Variants in GLIS3 observed in about 807,000 individuals in gnomAD.
GLIS3 encodes the protein GLIS family zinc finger 3.
A neutral mutation model predicts 78.6 loss-of-function variants in GLIS3; 53 were observed. The ratio of observed to expected loss-of-function variants is 0.67; its 90% confidence interval spans 0.54 to 0.85. GLIS3 has a LOEUF of 0.85. GLIS3 is among the 40% of genes least tolerant of loss of function. GLIS3 has a pLI of 0.00. For missense variants in GLIS3, 1,703 were observed against 1,231.1 expected, an observed-to-expected ratio of 1.38 and a Z score of -5.74; for synonymous variants, 684 against 509.9, an observed-to-expected ratio of 1.34 and a Z score of -4.60.
At chr9:4,489,713 C>A in the GLIS3 span, among the ~76,000 whole-genome samples, 1 of 152,182 alleles carries the variant, frequency 6.6e-6, no homozygotes, top group African/African-American at 2.4e-5. Flanking sequence ...CTCCCGGGTC[C>A]GGTTCTCAGT....
chr9:4,025,608 C>T (rs911685232), intron 4 of GLIS3, among the ~76,000 whole-genome samples: 2 of 151,998 alleles, frequency 1.3e-5, no homozygotes, highest in South Asian at 2.1e-4. Context: ...GGAGGGTCTG[C>T]GTCTCCTGAC....
At chr9:3,944,748 G>A (rs544868443) in intron 4 of GLIS3, among the ~76,000 whole-genome samples, 1 of 152,318 alleles carries the variant, frequency 6.6e-6, no homozygotes, top group South Asian at 2.1e-4. Flanking sequence ...ACCTGTCTCA[G>A]TCCATTTTCT....
At chr9:4,424,555 C>T in the GLIS3 span, among the ~76,000 whole-genome samples, 1 of 151,968 alleles carries the variant, frequency 6.6e-6, no homozygotes, top group South Asian at 2.1e-4. Flanking sequence ...AGTGGATTTG[C>T]TTTTGTTTTT....
intron 1 of GLIS3, chr9:4,298,451 C>G: frequency 2.2e-6 from 1 of 451,378 alleles, no homozygotes; most frequent in South Asian, 1.6e-5. Context: ...GAGTGACTTC[C>G]CGGTCCCCGA....
the GLIS3 span, among the ~76,000 whole-genome samples, chr9:4,462,639 G>A: frequency 0.57 from 81,771 of 142,508 alleles, 22,385 homozygotes; most frequent in Middle Eastern, 0.73. Context: ...ACACAGACAC[G>A]CACACACACA....
intron 2 of GLIS3, among the ~76,000 whole-genome samples, chr9:4,184,671 T>C (rs1430906994): frequency 6.6e-6 from 1 of 152,238 alleles, no homozygotes; most frequent in Non-Finnish European, 1.5e-5. Flanking sequence ...GGGGAACCCC[T>C]GGTTGGAGGG....
At chr9:3,849,392 C>A (rs1378493434) in intron 9 of GLIS3, among the ~76,000 whole-genome samples, 1 of 152,170 alleles carries the variant, frequency 6.6e-6, no homozygotes, top group African/African-American at 2.4e-5. Context: ...CTTCCCTGAC[C>A]CCTTTGCCTT....
chr9:3,824,312 G>T lies in GLIS3; in HGVS notation c.*3960C>A, dbSNP rs1817611126. ...AATGCAGCATTTTAAAGCTGGACTT[G>T]AACATTCCCTCCCGCATCATCTGCC... On this transcript the variant is annotated 3_prime_UTR_variant, in exon 11 of 11. Coordinates refer to ENST00000381971, the MANE Select transcript of GLIS3 (RefSeq NM_001042413.2). The T allele has an allele frequency of 6.6e-6, 1 of 152,500 alleles. No individual in the cohort carries two copies. The highest frequency in any genetic ancestry group is 2.1e-4 in the South Asian group (1 of 4,820). The allele number at this position is 152,500 out of a possible 1,614,324, so 9.4% of individuals were successfully genotyped here. A position where few individuals can be genotyped will look rare whatever the true frequency, so the allele number is the denominator to read the frequency against.
At chr9:4,438,054 C>T in the GLIS3 span, among the ~76,000 whole-genome samples, 76 of 152,234 alleles carry the variant, frequency 5.0e-4, 1 homozygote, top group African/African-American at 1.6e-3. Flanking sequence ...CTCTAACTTC[C>T]TATGTTTTTC....
intron 2 of GLIS3, among the ~76,000 whole-genome samples, chr9:4,226,174 G>A (rs192764080): frequency 7.9e-5 from 12 of 152,168 alleles, no homozygotes; most frequent in Admixed American, 6.5e-4. Flanking sequence ...AACAGATAAC[G>A]TATTGGATAC....
At chr9:4,481,852 A>G in the GLIS3 span, among the ~76,000 whole-genome samples, 1 of 152,172 alleles carries the variant, frequency 6.6e-6, no homozygotes, top group Non-Finnish European at 1.5e-5. Context: ...AAGTCACAGC[A>G]TTGTCTGGGT....
At chr9:4,289,596 A>C (rs1441601919) in intron 1 of GLIS3, among the ~76,000 whole-genome samples, 1 of 152,040 alleles carries the variant, frequency 6.6e-6, no homozygotes, top group Non-Finnish European at 1.5e-5. Flanking sequence ...ATCCAATCAC[A>C]TTATTCTAGT....
At chr9:4,343,360 AAT>A (rs1817860955) in intron 2 of GLIS3, among the ~76,000 whole-genome samples, 2 of 152,162 alleles carry the variant, frequency 1.3e-5, no homozygotes, top group South Asian at 4.1e-4. Flanking sequence ...AAAACAAAAC[AAT>A]GAGATACTAT....
chr9:4,201,023 G>T (rs1215523400), intron 2 of GLIS3, among the ~76,000 whole-genome samples: 3 of 152,212 alleles, frequency 2.0e-5, no homozygotes, highest in African/African-American at 2.4e-5. Context: ...ATGCAAGATT[G>T]GTTCATCATA....
intron 2 of GLIS3, among the ~76,000 whole-genome samples, chr9:4,191,541 T>C (rs559228141): frequency 1.3e-5 from 2 of 152,340 alleles, no homozygotes; most frequent in Non-Finnish European, 2.9e-5. Context: ...AAGACCTAGA[T>C]CTCTGTGGTT....
intron 4 of GLIS3, among the ~76,000 whole-genome samples, chr9:4,052,310 G>C (rs1049512736): frequency 6.6e-6 from 1 of 151,998 alleles, no homozygotes; most frequent in Admixed American, 6.6e-5. Context: ...CATCACAATT[G>C]GTTTAATTTT....
At chr9:4,404,694 C>G in the GLIS3 span, among the ~76,000 whole-genome samples, 3 of 151,736 alleles carry the variant, frequency 2.0e-5, no homozygotes, top group Non-Finnish European at 4.4e-5. Flanking sequence ...CACAGTATAC[C>G]AAAACATATG....
chr9:3,860,384 G>C (rs1820124328), intron 8 of GLIS3, among the ~76,000 whole-genome samples: 1 of 151,544 alleles, frequency 6.6e-6, no homozygotes, highest in Non-Finnish European at 1.5e-5. Context: ...TGATTATTTG[G>C]GGGTATTTAC....
chr9:4,470,681 T>A, the GLIS3 span, among the ~76,000 whole-genome samples: 11 of 151,968 alleles, frequency 7.2e-5, no homozygotes, highest in Non-Finnish European at 1.5e-4. Context: ...GCATTCCCTT[T>A]GAAAACTGGC....
Sources: gnomAD v4.1 joint callset for allele counts (sites outside exome capture counted in the v4.1 genomes callset) on GRCh38, gnomAD v4.1.1 for gene constraint, MANE v1.5 for transcripts, NCBI Gene and HGNC (gene_info 2026-07-23, HGNC 2026-07-21) for gene names.